Variants in MUSK observed in about 807,000 individuals in gnomAD.
MUSK encodes muscle, skeletal receptor tyrosine-protein kinase.
MUSK carries 55 observed loss-of-function variants against 88.7 expected under a neutral mutation model. That is an observed-to-expected ratio of 0.62 (90% CI 0.50 to 0.78). MUSK has a LOEUF of 0.78. Among genes scored for constraint, MUSK ranks in the 30% least tolerant of loss-of-function variants. MUSK has a pLI of 0.00. For missense variants in MUSK, 1,015 were observed against 1,074.3 expected (o/e 0.94, Z 0.77); for synonymous variants, 387 against 391.9 (o/e 0.99, Z 0.15).
At chr9:110,709,266 T>G (rs1037233952) in intron 5 of MUSK, among the ~76,000 whole-genome samples, 3 of 152,204 alleles carry the variant, frequency 2.0e-5, no homozygotes, top group Admixed American at 2.0e-4. Flanking sequence ...TTATATTTAT[T>G]TCCGTGAACA....
chr9:110,735,886 T>TC (rs1247739945), intron 6 of MUSK, among the ~76,000 whole-genome samples: 1 of 152,042 alleles, frequency 6.6e-6, no homozygotes, highest in East Asian at 1.9e-4. Flanking sequence ...CACAATTCAC[T>TC]CACTCACTAT....
At chr9:110,775,559 T>C (rs1389384394) in intron 9 of MUSK, 1 of 545,382 alleles carries the variant, frequency 1.8e-6, no homozygotes, top group Non-Finnish European at 3.3e-6. Context: ...TAGACTAGCA[T>C]TAATTGTGTT....
chr9:110,689,469 A>T (rs1427158554), intron 3 of MUSK, among the ~76,000 whole-genome samples: 1 of 110,874 alleles, frequency 9.0e-6, no homozygotes, highest in Non-Finnish European at 1.6e-5. Flanking sequence ...ATTTATATAT[A>T]TGTAAAAAAT....
At chr9:110,689,718 T>TAGTTATATATTTATATATAACTATATATA (rs370720549) in intron 3 of MUSK, among the ~76,000 whole-genome samples, 1 of 51,662 alleles carries the variant, frequency 1.9e-5, no homozygotes, top group Admixed American at 3.2e-4. Flanking sequence ...TAACTATATA[T>TAGTTATATATTTATATATAACTATATATA]GTTATATATA....
rs2077675698 is a variant in MUSK, at chr9:110,776,626, CT to C, written c.1361-4del. ...TTAAAACAAATTTTTATCCTTTCCC[CT>C]TCAGATTATAACAAAGAAAACCTAA... On this transcript the variant is annotated splice_region_variant and splice_polypyrimidine_tract_variant and intron_variant, in intron 10 of 14. Coordinates refer to ENST00000374448, the MANE Select transcript of MUSK (RefSeq NM_005592.4). The C allele has an allele frequency of 1.9e-6, 3 of 1,598,074 alleles. No individual in the cohort carries two copies. The highest frequency in any genetic ancestry group is 1.7e-4 in the Middle Eastern group (1 of 6,042).
rs545202755 is a variant in MUSK, at chr9:110,760,705, A to C, written c.914-1497A>C. Among the ~76,000 whole-genome samples, 9 of 152,332 alleles carry C rather than the reference A, an allele frequency of 5.9e-5. No homozygotes were observed. The South Asian group carries it at 1.9e-3, about 32-fold the overall frequency. ...TTTACCTACACAACAAACCTGAATT[A>C]TGTACCCCCGAACCTAAAATCAAAG... On this transcript the variant is annotated intron_variant, in intron 7 of 14. Coordinates refer to ENST00000374448, the MANE Select transcript of MUSK (RefSeq NM_005592.4).
At chr9:110,779,444 A>C (rs2077719572) in intron 11 of MUSK, among the ~76,000 whole-genome samples, 2 of 152,236 alleles carry the variant, frequency 1.3e-5, no homozygotes, top group South Asian at 2.1e-4. Context: ...ACAGGCACTC[A>C]ATCTCTCTGT....
rs2078099816 is a variant in MUSK at position 110,801,684 on chromosome 9, TAA to T, written c.*697_*698del. On this transcript the variant is annotated 3_prime_UTR_variant, in exon 15 of 15. Transcript: ENST00000374448. ...TCCTTTCTGTGCATTTGTCATGAAT[TAA>T]GTCTGCTTATTTTATTCCTCCAGTT... is the stretch of plus-strand genomic sequence containing the variant. The T allele has an allele frequency of 1.3e-5, 2 of 152,234 alleles. No individual in the cohort carries two copies. Among genetic ancestry groups the T allele is most frequent in the Non-Finnish European group, 2.9e-5 (2 of 68,046 alleles). 9.4% of individuals were successfully genotyped at this position (152,234 alleles called of 1,614,324 possible).
intron 5 of MUSK, among the ~76,000 whole-genome samples, chr9:110,705,091 A>G (rs1001931714): frequency 2.0e-5 from 3 of 152,128 alleles, no homozygotes; most frequent in African/African-American, 7.2e-5. Flanking sequence ...CTTTATAATT[A>G]GGAAGAATTA....
At chr9:110,709,305 G>A (rs1176794648) in intron 5 of MUSK, among the ~76,000 whole-genome samples, 1 of 152,154 alleles carries the variant, frequency 6.6e-6, no homozygotes, top group Non-Finnish European at 1.5e-5. Flanking sequence ...TATTTTTGGA[G>A]AGGACTTAAT....
chr9:110,702,158 G>A (rs577851530), intron 5 of MUSK, among the ~76,000 whole-genome samples: 6 of 151,808 alleles, frequency 4.0e-5, no homozygotes, highest in Non-Finnish European at 7.4e-5. Context: ...CAACTAGCCC[G>A]GAAATGCTGG....
At chr9:110,688,510 T>G (rs942299236) in intron 3 of MUSK, among the ~76,000 whole-genome samples, 1 of 152,096 alleles carries the variant, frequency 6.6e-6, no homozygotes, top group Non-Finnish European at 1.5e-5. Flanking sequence ...TGTGCAGTTG[T>G]TTTACATAGG....
intron 5 of MUSK, among the ~76,000 whole-genome samples, chr9:110,732,563 G>T (rs996991456): frequency 6.6e-6 from 1 of 151,966 alleles, no homozygotes; most frequent in African/African-American, 2.4e-5. Context: ...GATTTTCCCT[G>T]TTAAATATCT....
In MUSK at chr9:110,684,646, G is replaced by A. The variant is rs10980525; in HGVS notation, c.206+1846G>A. ...TTTTCCATTTTTTTGGTGTCCTCAT[G>A]AATTTCTTTCATTGATGTCTTACAG... On this transcript the variant is annotated intron_variant, in intron 2 of 14. Transcript: ENST00000374448. 5.0e-4 allele frequency among the ~76,000 whole-genome samples: 76 copies of A among 151,838 alleles called. No individual in the cohort carries two copies. In the East Asian group the frequency reaches 0.014, roughly 29 times the overall value.
At chr9:110,798,020 A>T (rs2078037186) in intron 14 of MUSK, among the ~76,000 whole-genome samples, 3 of 152,316 alleles carry the variant, frequency 2.0e-5, no homozygotes, top group Non-Finnish European at 4.4e-5. Context: ...ACAAGAACTG[A>T]AACTTATGTT....
In MUSK at chr9:110,806,112, T is replaced by G. The variant is rs1050555758; in HGVS notation, c.*5124T>G. 2.6e-5 allele frequency among the ~76,000 whole-genome samples: 4 copies of G among 152,148 alleles called. No individual in the cohort carries two copies. Among genetic ancestry groups the G allele is most frequent in the African/African-American group, 9.6e-5 (4 of 41,456 alleles). On this transcript the variant is annotated 3_prime_UTR_variant, in exon 15 of 15. Transcript: ENST00000374448. Reference sequence around the variant, plus strand: ...GCCTAAGTGCTAACCACTTCACCCATTTATAGTGTTAGTTCTTCTGGTGAT... The same window carrying G: ...GCCTAAGTGCTAACCACTTCACCCAGTTATAGTGTTAGTTCTTCTGGTGAT...
chr9:110,695,751 T>C (rs2076423149), intron 4 of MUSK, among the ~76,000 whole-genome samples: 1 of 151,988 alleles, frequency 6.6e-6, no homozygotes, highest in Admixed American at 6.6e-5. Context: ...ATGTTAAAGA[T>C]AGAAAAGGAG....
chr9:110,674,447 A>C (rs2075999075), intron 1 of MUSK, among the ~76,000 whole-genome samples: 1 of 152,160 alleles, frequency 6.6e-6, no homozygotes, highest in Admixed American at 6.5e-5. Flanking sequence ...AAACCTGCGG[A>C]AGACAAAACT....
chr9:110,781,370 G>A lies in MUSK; in HGVS notation c.1385-3445G>A, dbSNP rs574986226. On this transcript the variant is annotated intron_variant, in intron 11 of 14. Transcript: ENST00000374448. ...TGGTTCACTGCAAGCTCCGCCTCCCGGGTTCACGCCATCCTCTTGCCTCAG... is the reference window on the plus strand; with the variant it reads ...TGGTTCACTGCAAGCTCCGCCTCCCAGGTTCACGCCATCCTCTTGCCTCAG... Among the ~76,000 whole-genome samples, 86 of 151,928 alleles carry A rather than the reference G, an allele frequency of 5.7e-4. 1 individual carries two copies. The highest frequency in any genetic ancestry group is 2.0e-3 in the African/African-American group (82 of 41,440).
Sources: gnomAD v4.1 joint callset for allele counts (sites outside exome capture counted in the v4.1 genomes callset) on GRCh38, gnomAD v4.1.1 for gene constraint, MANE v1.5 for transcripts, NCBI Gene and HGNC (gene_info 2026-07-23, HGNC 2026-07-21) for gene names.